TTC6: variants seen among roughly 807,000 people sequenced by gnomAD.
TTC6 encodes tetratricopeptide repeat protein 6.
A neutral mutation model predicts 210.4 loss-of-function variants in TTC6; 172 were observed. The observed-to-expected ratio is 0.82, with a 90% CI of 0.72 to 0.93. The LOEUF is 0.93. TTC6 is among the 40% of genes least tolerant of loss of function. The pLI is 0.00. For synonymous variants in TTC6, 804 were observed against 819.6 expected, an observed-to-expected ratio of 0.98 and a Z score of 0.32; for missense variants, 2,414 against 2,318.1, an observed-to-expected ratio of 1.04 and a Z score of -0.85.
intron 1 of TTC6, among the ~76,000 whole-genome samples, chr14:37,658,817 T>G (rs2095730562): frequency 6.6e-6 from 1 of 152,166 alleles, no homozygotes; most frequent in South Asian, 2.1e-4. Context: ...GCAGGTTCAT[T>G]ATACAGATAA....
intron 1 of TTC6, among the ~76,000 whole-genome samples, chr14:37,603,657 G>C (rs1246093042): frequency 6.6e-6 from 1 of 152,144 alleles, no homozygotes; most frequent in Non-Finnish European, 1.5e-5. Flanking sequence ...CAATTTCCAA[G>C]CCCAGGCAAA....
chr14:37,727,315 G>C (rs1339230419), intron 7 of TTC6, among the ~76,000 whole-genome samples: 1 of 27,772 alleles, frequency 3.6e-5, no homozygotes, highest in Admixed American at 3.0e-4. Flanking sequence ...TTTTTTTTTT[G>C]AGACAGTCTT....
chr14:37,679,104 C>T (rs1372069763), intron 1 of TTC6, among the ~76,000 whole-genome samples: 1 of 152,080 alleles, frequency 6.6e-6, no homozygotes, highest in Non-Finnish European at 1.5e-5. Flanking sequence ...ACTTTGTAGT[C>T]CATGCCACTC....
At chr14:37,737,135 C>G (rs2095903831) in intron 8 of TTC6, among the ~76,000 whole-genome samples, 1 of 152,120 alleles carries the variant, frequency 6.6e-6, no homozygotes, top group Admixed American at 6.5e-5. Context: ...GTACTTTGCA[C>G]TCTAGTTTAG....
chr14:37,724,801 T>G, intron 6 of TTC6, 97 bp from the exon 9 acceptor site: 3 of 653,112 alleles, frequency 4.6e-6, no homozygotes, highest in Non-Finnish European at 6.9e-6. Context: ...GAACCAAAAA[T>G]TCTCAGCAAC....
chr14:37,717,168 C>A (rs1957597), intron 6 of TTC6, among the ~76,000 whole-genome samples: 111,713 of 147,998 alleles, frequency 0.75, 41,784 homozygotes, highest in Admixed American at 0.81. Flanking sequence ...TAAGAACCCC[C>A]CAAAAAAAGA....
intron 14 of TTC6, among the ~76,000 whole-genome samples, chr14:37,774,816 C>T (rs2096032073): frequency 1.3e-5 from 2 of 152,246 alleles, no homozygotes; most frequent in South Asian, 2.1e-4. Flanking sequence ...GAAATGGTAC[C>T]AGCTCTTCTT....
intron 3 of TTC6, among the ~76,000 whole-genome samples, chr14:37,683,811 C>A (rs2095788936): frequency 6.6e-6 from 1 of 151,996 alleles, no homozygotes. Context: ...TAATTCTTTT[C>A]ATTAATTTGA....
intron 10 of TTC6, among the ~76,000 whole-genome samples, chr14:37,744,514 T>C (rs1397821850): frequency 6.6e-6 from 1 of 152,176 alleles, no homozygotes. Context: ...GTTGGAGACA[T>C]GCTTTTTGCT....
chr14:37,790,260 C>A (rs1441162955), intron 15 of TTC6, among the ~76,000 whole-genome samples: 2 of 152,054 alleles, frequency 1.3e-5, no homozygotes, highest in Non-Finnish European at 2.9e-5. Context: ...TTTCTGCCTT[C>A]AGGACTAGTA....
intron 15 of TTC6, 34 bp from the exon 18 acceptor site, chr14:37,790,683 C>A: frequency 4.7e-6 from 7 of 1,504,104 alleles, no homozygotes; most frequent in Non-Finnish European, 6.2e-6. Flanking sequence ...TATTTTAGAA[C>A]CTGAATGAAA....
Position 37,826,363 on chromosome 14 carries a change from G to T in TTC6, c.5127+16G>T, listed in dbSNP as rs769427827. 8.2e-6 allele frequency: 13 copies of T among 1,580,262 alleles called. No individual in the cohort carries two copies. The highest frequency in any genetic ancestry group is 1.1e-5 in the Non-Finnish European group (13 of 1,166,420). On this transcript the variant is annotated intron_variant, in intron 28 of 30. Transcript: ENST00000553443. ...TGCCATGAAGGTAAAAACCATCTTA[G>T]ATTATATTATTATTAGCATAAATTA...
At chr14:37,628,619 C>A (rs922626583) in intron 1 of TTC6, among the ~76,000 whole-genome samples, 5 of 152,158 alleles carry the variant, frequency 3.3e-5, no homozygotes, top group African/African-American at 1.2e-4. Flanking sequence ...AATTAGATCC[C>A]AGCTGTCAAT....
chr14:37,666,251 C>CA (rs1237191544), intron 1 of TTC6, among the ~76,000 whole-genome samples: 1 of 149,658 alleles, frequency 6.7e-6, no homozygotes, highest in Non-Finnish European at 1.5e-5. Flanking sequence ...CAACATTCCC[C>CA]ATCGATCTGC....
intron 1 of TTC6, among the ~76,000 whole-genome samples, chr14:37,654,397 A>C (rs1305010658): frequency 6.6e-6 from 1 of 152,134 alleles, no homozygotes; most frequent in Non-Finnish European, 1.5e-5. Context: ...ATGAAAAAAA[A>C]TTAAAAGTAT....
chr14:37,727,537 C>T (rs2095875961), intron 7 of TTC6, among the ~76,000 whole-genome samples: 1 of 21,078 alleles, frequency 4.7e-5, no homozygotes, highest in Non-Finnish European at 1.1e-4. Flanking sequence ...TTGTGATCCG[C>T]CCGCCTTGGC....
At chr14:37,649,656 A>G (rs1015698555) in intron 1 of TTC6, among the ~76,000 whole-genome samples, 2 of 152,188 alleles carry the variant, frequency 1.3e-5, no homozygotes, top group Non-Finnish European at 2.9e-5. Context: ...ACCTGAGGCC[A>G]TGGGCCCTCA....
intron 26 of TTC6, among the ~76,000 whole-genome samples, chr14:37,820,896 T>TCTC (rs763872556): frequency 3.4e-5 from 5 of 148,496 alleles, no homozygotes; most frequent in Non-Finnish European, 7.5e-5. Flanking sequence ...TTCTCCTCCT[T>TCTC]CTCCTCCTTC....
chr14:37,756,874 A>G (rs1349969835), intron 14 of TTC6, among the ~76,000 whole-genome samples: 1 of 152,208 alleles, frequency 6.6e-6, no homozygotes, highest in Non-Finnish European at 1.5e-5. Context: ...AAAATGAGTT[A>G]CAGAGGAGTC....
Sources: gnomAD v4.1 joint callset for allele counts (sites outside exome capture counted in the v4.1 genomes callset) on GRCh38, gnomAD v4.1.1 for gene constraint, MANE v1.5 for transcripts, NCBI Gene and HGNC (gene_info 2026-07-23, HGNC 2026-07-21) for gene names.